SLC24A2: variants seen among roughly 807,000 people sequenced by gnomAD.
SLC24A2 encodes the protein solute carrier family 24 member 2, also known as sodium/potassium/calcium exchanger 2.
SLC24A2 carries 36 observed loss-of-function variants against 62.0 expected under a neutral mutation model. The observed-to-expected ratio is 0.58, with a 90% confidence interval of 0.44 to 0.77. SLC24A2 has a LOEUF of 0.77. Ranked by LOEUF, SLC24A2 falls within the 30% of genes least tolerant of loss-of-function variation. SLC24A2 has a pLI of 0.00. For missense variants in SLC24A2, 846 were observed against 817.9 expected (o/e 1.03, Z -0.42); for synonymous variants, 358 against 294.0 (o/e 1.22, Z -2.23).
chr9:19,805,429 T>G, the SLC24A2 span, among the ~76,000 whole-genome samples: 1 of 152,156 alleles, frequency 6.6e-6, no homozygotes, highest in East Asian at 1.9e-4. Flanking sequence ...ACAATGATAT[T>G]ATGCAGAGCA....
chr9:19,790,452 A>C (rs79756847), upstream of SLC24A2, among the ~76,000 whole-genome samples: 1,222 of 151,278 alleles, frequency 8.1e-3, 64 homozygotes, highest in East Asian at 0.15. Context: ...GAAAACTATC[A>C]ACTACCACTA....
At chr9:19,555,633 T>C (rs1835051743) in intron 7 of SLC24A2, among the ~76,000 whole-genome samples, 1 of 152,226 alleles carries the variant, frequency 6.6e-6, no homozygotes, top group South Asian at 2.1e-4. Flanking sequence ...GAAATTTTAG[T>C]GTAACTTTAT....
the SLC24A2 span, among the ~76,000 whole-genome samples, chr9:19,961,900 G>A: frequency 6.6e-6 from 1 of 152,180 alleles, no homozygotes; most frequent in African/African-American, 2.4e-5. Flanking sequence ...TCAAAAGAAT[G>A]TAGTCCCAGC....
the SLC24A2 span, among the ~76,000 whole-genome samples, chr9:19,802,026 C>T: frequency 6.6e-6 from 1 of 152,258 alleles, no homozygotes; most frequent in Non-Finnish European, 1.5e-5. Flanking sequence ...CCACTTGGCA[C>T]ATTATGTCAT....
chr9:19,801,821 T>A, the SLC24A2 span, among the ~76,000 whole-genome samples: 1 of 152,166 alleles, frequency 6.6e-6, no homozygotes, highest in African/African-American at 2.4e-5. Context: ...CTCTCAGTAT[T>A]AGGAAATAAT....
At chr9:19,915,045 A>C in the SLC24A2 span, among the ~76,000 whole-genome samples, 1 of 152,088 alleles carries the variant, frequency 6.6e-6, no homozygotes, top group Admixed American at 6.6e-5. Context: ...GTTACCATTA[A>C]GTAACTCCAG....
chr9:19,877,003 G>A, the SLC24A2 span, among the ~76,000 whole-genome samples: 1 of 151,880 alleles, frequency 6.6e-6, no homozygotes, highest in East Asian at 1.9e-4. Context: ...ATTTCAGAAT[G>A]GAAAACTTTG....
chr9:20,035,742 G>T, the SLC24A2 span, among the ~76,000 whole-genome samples: 3 of 152,154 alleles, frequency 2.0e-5, no homozygotes, highest in African/African-American at 7.2e-5. Flanking sequence ...GGGTGACAGA[G>T]TGAGAACCTG....
the SLC24A2 span, among the ~76,000 whole-genome samples, chr9:20,050,856 G>A: frequency 1.9e-4 from 29 of 152,026 alleles, no homozygotes; most frequent in African/African-American, 5.1e-4. Context: ...ATGATGTCAC[G>A]ATTGGAAAAA....
chr9:19,561,398 C>G (rs943880096), intron 7 of SLC24A2, among the ~76,000 whole-genome samples: 2 of 151,552 alleles, frequency 1.3e-5, no homozygotes, highest in African/African-American at 4.9e-5. Context: ...GTGTGAACAT[C>G]CTAAACCAAC....
At chr9:19,604,839 C>G (rs1836939415) in intron 4 of SLC24A2, among the ~76,000 whole-genome samples, 2 of 152,154 alleles carry the variant, frequency 1.3e-5, no homozygotes, top group Non-Finnish European at 2.9e-5. Context: ...ACAGTATTGT[C>G]TGGCATGTTA....
Position 19,575,824 on chromosome 9 carries a change from A to C in SLC24A2, c.1228+1100T>G, listed in dbSNP as rs188455040. ...ACAAGTCAACATGTGAAGCAGAAAAAATAGCTTGTGTAGTTGAATCTAAAC... is the reference window on the plus strand; with the variant it reads ...ACAAGTCAACATGTGAAGCAGAAAACATAGCTTGTGTAGTTGAATCTAAAC... On this transcript the variant is annotated intron_variant, in intron 6 of 10. Transcript: ENST00000341998. 1.5e-3 allele frequency among the ~76,000 whole-genome samples: 236 copies of C among 152,384 alleles called. 1 individual carries two copies. Among genetic ancestry groups the C allele is most frequent in the African/African-American group, 5.4e-3 (225 of 41,594 alleles).
At chr9:19,937,344 A>C in the SLC24A2 span, among the ~76,000 whole-genome samples, 2 of 152,344 alleles carry the variant, frequency 1.3e-5, no homozygotes, top group East Asian at 3.9e-4. Flanking sequence ...AAATGTACAG[A>C]ATAATGGTTT....
chr9:19,782,150 A>T (rs1823035966), intron 2 of SLC24A2, among the ~76,000 whole-genome samples: 1 of 152,198 alleles, frequency 6.6e-6, no homozygotes, highest in African/African-American at 2.4e-5. Context: ...GACGAAGTTA[A>T]ATACCATGGA....
the SLC24A2 span, among the ~76,000 whole-genome samples, chr9:20,008,591 G>A: frequency 1.3e-5 from 2 of 152,128 alleles, no homozygotes; most frequent in Admixed American, 6.5e-5. Context: ...GTGCCCTGGA[G>A]AAATCCTCTT....
chr9:19,996,209 G>C, the SLC24A2 span, among the ~76,000 whole-genome samples: 102 of 152,256 alleles, frequency 6.7e-4, no homozygotes, highest in Non-Finnish European at 1.1e-3. Context: ...TTGCATCAAA[G>C]GGTTTGATTT....
chr9:20,074,624 A>AGGGC, the SLC24A2 span, among the ~76,000 whole-genome samples: 1 of 14,712 alleles, frequency 6.8e-5, no homozygotes, highest in East Asian at 1.9e-3. Flanking sequence ...TGAGGGAGGG[A>AGGGC]GGGAGGGAGG....
At chr9:19,797,216 T>G in the SLC24A2 span, among the ~76,000 whole-genome samples, 26 of 152,220 alleles carry the variant, frequency 1.7e-4, no homozygotes, top group Admixed American at 8.5e-4. Flanking sequence ...TTTATTTGGT[T>G]TGTTCATTAC....
the SLC24A2 span, among the ~76,000 whole-genome samples, chr9:19,863,167 G>C: frequency 6.6e-6 from 1 of 151,968 alleles, no homozygotes; most frequent in African/African-American, 2.4e-5. Context: ...GAATGGTAAA[G>C]GGGTCAATTC....
Sources: allele counts gnomAD v4.1 joint callset (sites outside exome capture counted in the v4.1 genomes callset), GRCh38; gene constraint gnomAD v4.1.1; transcripts MANE v1.5; gene names NCBI Gene and HGNC (gene_info 2026-07-23, HGNC 2026-07-21).